ANXA8: variants seen among roughly 807,000 people sequenced by gnomAD.
ANXA8 encodes the protein annexin A8.
ANXA8 carries 9 observed loss-of-function variants against 26.8 expected under a neutral mutation model. That is an observed-to-expected ratio of 0.34 (90% confidence interval 0.20 to 0.59). ANXA8 has a LOEUF of 0.59. ANXA8 is among the 20% of genes least tolerant of loss of function. ANXA8 has a pLI of 0.84. For synonymous variants in ANXA8, 39 were observed against 94.8 expected (o/e 0.41, Z 3.42); for missense variants, 83 against 238.5 (o/e 0.35, Z 4.29).
the ANXA8 span, among the ~76,000 whole-genome samples, chr10:47,644,975 G>C: frequency 6.6e-6 from 1 of 151,836 alleles, no homozygotes; most frequent in South Asian, 2.1e-4. Flanking sequence ...CAAGAATATA[G>C]TAAGGTACAT....
chr10:47,666,278 T>A, the ANXA8 span, among the ~76,000 whole-genome samples: 1 of 149,120 alleles, frequency 6.7e-6, no homozygotes, highest in Non-Finnish European at 1.5e-5. Flanking sequence ...ACAAGGTAAG[T>A]ATTCAAATAA....
chr10:47,519,695 T>TA, the ANXA8 span, among the ~76,000 whole-genome samples: 1 of 21,952 alleles, frequency 4.6e-5, no homozygotes, highest in Non-Finnish European at 8.0e-5. Flanking sequence ...TATAGTAATG[T>TA]AAAAAATGAA....
chr10:47,673,282 T>C, the ANXA8 span, among the ~76,000 whole-genome samples: 1 of 151,430 alleles, frequency 6.6e-6, no homozygotes, highest in Non-Finnish European at 1.5e-5. Flanking sequence ...CTCCCAAGTA[T>C]AGGGCAACCA....
chr10:47,949,666 T>C, the ANXA8 span, among the ~76,000 whole-genome samples: 2 of 150,448 alleles, frequency 1.3e-5, no homozygotes, highest in Non-Finnish European at 1.5e-5. Context: ...AGGTCTTACA[T>C]TGTACATAAA....
At chr10:47,555,588 T>C in the ANXA8 span, among the ~76,000 whole-genome samples, 3 of 151,990 alleles carry the variant, frequency 2.0e-5, 1 homozygote, top group African/African-American at 7.3e-5. Flanking sequence ...TATCAGTGAC[T>C]CAGACCTCTA....
chr10:47,586,954 T>C, the ANXA8 span, among the ~76,000 whole-genome samples: 1 of 145,992 alleles, frequency 6.8e-6, no homozygotes, highest in Non-Finnish European at 1.5e-5. Flanking sequence ...TGCCTGTAAT[T>C]CCAGCACTTT....
chr10:47,566,779 C>T, the ANXA8 span, among the ~76,000 whole-genome samples: 2 of 128,016 alleles, frequency 1.6e-5, no homozygotes, highest in Non-Finnish European at 3.4e-5. Flanking sequence ...CCTGCCAGAG[C>T]CCCAGTCCAG....
At chr10:47,778,073 C>T in the ANXA8 span, among the ~76,000 whole-genome samples, 1 of 151,924 alleles carries the variant, frequency 6.6e-6, no homozygotes, top group Non-Finnish European at 1.5e-5. Flanking sequence ...TGGCTTTCTG[C>T]CTATTTGTGG....
chr10:47,941,600 T>G, the ANXA8 span, among the ~76,000 whole-genome samples: 107 of 145,752 alleles, frequency 7.3e-4, 9 homozygotes, highest in African/African-American at 2.0e-3. Context: ...CCAAGATTGC[T>G]TCACGGCACT....
the ANXA8 span, among the ~76,000 whole-genome samples, chr10:47,730,766 G>A: frequency 0.011 from 1,636 of 147,482 alleles, no homozygotes; most frequent in African/African-American, 0.04. Flanking sequence ...TACTAAGTAT[G>A]GGGAACCACA....
the ANXA8 span, among the ~76,000 whole-genome samples, chr10:47,686,079 A>G: frequency 6.6e-6 from 1 of 151,550 alleles, no homozygotes; most frequent in Non-Finnish European, 1.5e-5. Context: ...AATAAAATTC[A>G]GTTTCAAAAT....
the ANXA8 span, among the ~76,000 whole-genome samples, chr10:47,594,126 G>T: frequency 6.7e-6 from 1 of 149,100 alleles, no homozygotes; most frequent in Non-Finnish European, 1.5e-5. Flanking sequence ...ACTCGGACTG[G>T]CTTCCCTGCT....
At chr10:47,767,788 C>T in the ANXA8 span, among the ~76,000 whole-genome samples, 3 of 151,406 alleles carry the variant, frequency 2.0e-5, no homozygotes, top group South Asian at 2.1e-4. Context: ...TCCTTTCTGG[C>T]AGGAGTTGTT....
chr10:47,534,520 G>A, the ANXA8 span, among the ~76,000 whole-genome samples: 2 of 139,510 alleles, frequency 1.4e-5, no homozygotes, highest in African/African-American at 5.4e-5. Flanking sequence ...CGAATCCATT[G>A]CCCATTTACA....
At chr10:47,484,290 A>G (rs1423634662), upstream of ANXA8, 3 of 652,046 alleles carry the variant, frequency 4.6e-6, no homozygotes, top group Non-Finnish European at 8.5e-6. Flanking sequence ...CTCCATGTTG[A>G]TTAGGCTGGT....
At chr10:47,627,684 G>A in the ANXA8 span, among the ~76,000 whole-genome samples, 1 of 150,158 alleles carries the variant, frequency 6.7e-6, no homozygotes, top group East Asian at 1.9e-4. Flanking sequence ...CTATAAATTT[G>A]AGGATGATGA....
At chr10:47,486,057 A>G (rs1196822376), upstream of ANXA8, among the ~76,000 whole-genome samples, 2 of 151,744 alleles carry the variant, frequency 1.3e-5, no homozygotes, top group Non-Finnish European at 2.9e-5. Context: ...ACAGTGAGCC[A>G]AGAACATGCC....
chr10:47,762,115 G>GA, the ANXA8 span, among the ~76,000 whole-genome samples: 1 of 140,114 alleles, frequency 7.1e-6, no homozygotes, highest in African/African-American at 2.6e-5. Flanking sequence ...TGGGGCCCTG[G>GA]AACCTGCTGC....
chr10:47,528,022 A>G, the ANXA8 span, among the ~76,000 whole-genome samples: 1 of 143,186 alleles, frequency 7.0e-6, no homozygotes, highest in Non-Finnish European at 1.5e-5. Flanking sequence ...CACTAGAGCT[A>G]TTTCTGGTAA....
Sources: gnomAD v4.1 joint callset for allele counts (sites outside exome capture counted in the v4.1 genomes callset) on GRCh38, gnomAD v4.1.1 for gene constraint, MANE v1.5 for transcripts, NCBI Gene and HGNC (gene_info 2026-07-23, HGNC 2026-07-21) for gene names.